Variants in KIAA0930 observed in about 807,000 individuals in gnomAD.
KIAA0930 encodes uncharacterized protein KIAA0930.
KIAA0930 carries 24 observed loss-of-function variants against 43.9 expected under a neutral mutation model. The observed-to-expected ratio is 0.55, with a 90% confidence interval of 0.40 to 0.77. The LOEUF (loss-of-function observed/expected upper bound fraction) is 0.77. Ranked by LOEUF, KIAA0930 falls within the 30% of genes least tolerant of loss-of-function variation. The probability of loss-of-function intolerance (pLI) is 0.00; values close to 1 mark genes in which losing one functional copy is unlikely to be tolerated. For synonymous variants in KIAA0930, 259 were observed against 216.4 expected (o/e 1.20, Z -1.73); for missense variants, 461 against 574.2 (o/e 0.80, Z 2.02).
At chr22:45,229,503 CG>C (rs1422342962) in intron 1 of KIAA0930, among the ~76,000 whole-genome samples, 2 of 152,084 alleles carry the variant, frequency 1.3e-5, no homozygotes, top group Non-Finnish European at 2.9e-5. Context: ...GAGCCACACA[CG>C]AGGGACTACG....
chr22:45,231,023 T>C (rs750849953), intron 1 of KIAA0930, among the ~76,000 whole-genome samples: 2 of 151,950 alleles, frequency 1.3e-5, no homozygotes, highest in Non-Finnish European at 2.9e-5. Flanking sequence ...CTGAGGCAGA[T>C]GGATCACCTG....
chr22:45,210,023 C>G (rs979101893), intron 2 of KIAA0930, among the ~76,000 whole-genome samples: 3 of 152,200 alleles, frequency 2.0e-5, no homozygotes, highest in Non-Finnish European at 4.4e-5. Flanking sequence ...CTCCCCCTAC[C>G]CCGGCCTATC....
chr22:45,194,779 G>C lies in KIAA0930; in HGVS notation c.*2397C>G, dbSNP rs938700463. On this transcript the variant is annotated 3_prime_UTR_variant, in exon 10 of 10. Transcript: ENST00000336156. ...GAGAGGGATTTAGGGCCTGAGAAAG[G>C]CAGACTCCACCGAGTGTCTGTCCAT... 3.3e-5 allele frequency: 5 copies of C among 152,228 alleles called. No homozygotes were observed. Among genetic ancestry groups the C allele is most frequent in the Admixed American group, 6.5e-5 (1 of 15,280 alleles). 9.4% of individuals were successfully genotyped at this position (152,228 alleles called of 1,614,324 possible).
rs910984940 is a variant in KIAA0930, at chr22:45,203,900, A to G, written c.602T>C (p.Val201Ala). ...ASDKTNTFQG[V>A]IFQGSIRYEA... ...GTAGCGGATGGAGCCCTGAAAGATG[A>G]CCCCCTGGAACGTGTTGGTTTTGTC... Residue 201 changes from valine to alanine, a missense_variant, in exon 6 of 10, where the codon GTC (valine) becomes GCC (alanine). By Grantham distance (64) the Val-to-Ala change is moderately conservative. Coordinates refer to ENST00000336156, the MANE Select transcript of KIAA0930 (RefSeq NM_001009880.2). 1.2e-6 allele frequency: 2 copies of G among 1,613,722 alleles called. No individual in the cohort carries two copies. The highest frequency in any genetic ancestry group is 1.3e-5 in the African/African-American group (1 of 74,876).
At chr22:45,200,856 C>G in intron 7 of KIAA0930, 1 of 470,484 alleles carries the variant, frequency 2.1e-6, no homozygotes, top group Non-Finnish European at 4.4e-6. Context: ...ATACATGAAG[C>G]ACAGAGGCAA....
intron 1 of KIAA0930, among the ~76,000 whole-genome samples, chr22:45,231,459 C>A (rs777490129): frequency 1.3e-5 from 2 of 151,980 alleles, no homozygotes; most frequent in Non-Finnish European, 2.9e-5. Context: ...CTTGTCCCAG[C>A]GATGTGTGTG....
chr22:45,217,362 A>C (rs74684798), intron 1 of KIAA0930, among the ~76,000 whole-genome samples: 1 of 11,932 alleles, frequency 8.4e-5, no homozygotes, highest in Non-Finnish European at 1.8e-4. Flanking sequence ...CCCCGTCTCA[A>C]AAAAAAAAAA....
intron 1 of KIAA0930, among the ~76,000 whole-genome samples, chr22:45,216,721 T>C (rs1484248374): frequency 6.6e-6 from 1 of 152,034 alleles, no homozygotes; most frequent in African/African-American, 2.4e-5. Flanking sequence ...CTCCTCTCTG[T>C]CCCTTCTCCC....
rs550206744 is a variant in KIAA0930 at position 45,226,292 on chromosome 22, G to A, written c.65-14185C>T. On this transcript the variant is annotated intron_variant, in intron 1 of 9. Transcript: ENST00000336156. Reference sequence around the variant, plus strand: ...GCCATTTTACAGTTAAGGAAACCGAGACCTTCAAGTCCGGGCACCTGGCAA... The same window carrying A: ...GCCATTTTACAGTTAAGGAAACCGAAACCTTCAAGTCCGGGCACCTGGCAA... 78 of 471,144 alleles carry A rather than the reference G, an allele frequency of 1.7e-4. No individual in the cohort carries two copies. In the Middle Eastern group the frequency reaches 2.6e-3, roughly 16 times the overall value. The allele number at this position is 471,144 out of a possible 1,614,324, so 29.2% of individuals were successfully genotyped here.
intron 7 of KIAA0930, 80 bp from the exon 8 acceptor site, chr22:45,200,115 C>T (rs2083574387): frequency 7.3e-7 from 1 of 1,373,774 alleles, no homozygotes; most frequent in African/African-American, 1.5e-5. Flanking sequence ...CTATCCCACC[C>T]TCAAACAACC....
At chr22:45,219,188 C>T (rs1024674742) in intron 1 of KIAA0930, among the ~76,000 whole-genome samples, 4 of 152,142 alleles carry the variant, frequency 2.6e-5, no homozygotes, top group Admixed American at 1.3e-4. Flanking sequence ...ACCTCTCAGA[C>T]CTTCAGTTTC....
rs978992869 is a variant in KIAA0930 at position 45,192,454 on chromosome 22, C to T, written c.*4722G>A. On this transcript the variant is annotated 3_prime_UTR_variant, in exon 10 of 10. Transcript: ENST00000336156. The stretch of plus-strand genomic sequence containing the variant: ...TGAGCTATCCAGTGGAGGCCAGCAT[C>T]GTGTTTTTGCTAAAATACATGTTGT... 2 of 152,180 alleles carry T rather than the reference C, an allele frequency of 1.3e-5. No individual in the cohort carries two copies. The highest frequency in any genetic ancestry group is 1.5e-5 in the Non-Finnish European group (1 of 68,030). 9.4% of individuals were successfully genotyped at this position (152,180 alleles called of 1,614,324 possible). A position where few individuals can be genotyped will look rare whatever the true frequency, so the allele number is the denominator to read the frequency against.
chr22:45,222,279 T>C (rs529981520), intron 1 of KIAA0930, among the ~76,000 whole-genome samples: 1 of 152,122 alleles, frequency 6.6e-6, no homozygotes, highest in Non-Finnish European at 1.5e-5. Flanking sequence ...ATAAAAGCTA[T>C]TAAGGAGAAG....
chr22:45,204,115 C>G, intron 5 of KIAA0930, 130 bp from the exon 6 acceptor site: 1 of 1,198,710 alleles, frequency 8.3e-7, no homozygotes, highest in Non-Finnish European at 1.2e-6. Flanking sequence ...CTGTCACACA[C>G]TCCTGTGGCC....
intron 2 of KIAA0930, among the ~76,000 whole-genome samples, chr22:45,209,627 T>C (rs1025083088): frequency 4.6e-5 from 7 of 152,294 alleles, no homozygotes; most frequent in African/African-American, 1.7e-4. Flanking sequence ...ACCGCCGCCC[T>C]GCTCCTCTTC....
intron 2 of KIAA0930, chr22:45,211,223 G>T (rs1227380332): frequency 5.1e-6 from 2 of 388,644 alleles, no homozygotes; most frequent in African/African-American, 4.1e-5. Context: ...TAGCTACACG[G>T]CCCTCTCATT....
chr22:45,223,070 T>C (rs2147757570), intron 1 of KIAA0930, among the ~76,000 whole-genome samples: 1 of 152,330 alleles, frequency 6.6e-6, no homozygotes, highest in Middle Eastern at 3.4e-3. Flanking sequence ...TTTTTCCCTG[T>C]GGTCTCACTA....
At chr22:45,227,917 G>A (rs979647941) in intron 1 of KIAA0930, among the ~76,000 whole-genome samples, 1 of 152,152 alleles carries the variant, frequency 6.6e-6, no homozygotes, top group Admixed American at 6.5e-5. Context: ...CACTGTGTGC[G>A]GGGGCAGCTC....
intron 1 of KIAA0930, among the ~76,000 whole-genome samples, chr22:45,227,166 T>G (rs16993718): frequency 0.14 from 20,798 of 152,232 alleles, 1,828 homozygotes; most frequent in Non-Finnish European, 0.19. Flanking sequence ...CAGGCCCACA[T>G]GTACTAGGTG....
Sources: gnomAD v4.1 joint callset for allele counts (sites outside exome capture counted in the v4.1 genomes callset) on GRCh38, gnomAD v4.1.1 for gene constraint, MANE v1.5 for transcripts, NCBI Gene and HGNC (gene_info 2026-07-23, HGNC 2026-07-21) for gene names.